RAPGEF1: variants seen among roughly 807,000 people sequenced by gnomAD.
The protein encoded by RAPGEF1 is Rap guanine nucleotide exchange factor 1.
Under a neutral mutation model 143.3 loss-of-function variants are expected in RAPGEF1, and 33 were observed. The observed-to-expected ratio is 0.23, with a 90% CI of 0.17 to 0.31. The LOEUF is 0.31. RAPGEF1 is among the 10% of genes least tolerant of loss of function. The pLI is 1.00. For synonymous variants in RAPGEF1, 629 were observed against 676.5 expected, an observed-to-expected ratio of 0.93 and a Z score of 1.09; for missense variants, 1,199 against 1,645.4, an observed-to-expected ratio of 0.73 and a Z score of 4.69.
At position 131,593,968 on chromosome 9, in the gene RAPGEF1, T is replaced by C. The variant is rs543742087; in HGVS notation, c.2690-1785A>G. Among the ~76,000 whole-genome samples the C allele has an allele frequency of 3.4e-3, 522 of 152,302 alleles. 2 individuals are homozygous for C. Among genetic ancestry groups the C allele is most frequent in the African/African-American group, 0.012 (491 of 41,568 alleles). On this transcript the variant is annotated intron_variant, in intron 17 of 26. Coordinates refer to ENST00000683357, the MANE Select transcript of RAPGEF1 (RefSeq NM_001377935.1). ...GGACTCGCTGGTGAGCACTGGGCCA[T>C]GCCTTGAACATATGCCACATCCTTC...
At chr9:131,673,248 G>T (rs1831696239) in intron 1 of RAPGEF1, among the ~76,000 whole-genome samples, 1 of 152,160 alleles carries the variant, frequency 6.6e-6, no homozygotes, top group East Asian at 1.9e-4. Flanking sequence ...AAATCTTTTA[G>T]TCTCTCTCAT....
At chr9:131,729,933 G>A (rs184414186) in intron 1 of RAPGEF1, among the ~76,000 whole-genome samples, 6 of 152,146 alleles carry the variant, frequency 3.9e-5, no homozygotes, top group South Asian at 4.2e-4. Context: ...AGTGGCTCAC[G>A]CCTGTAATCC....
intron 12 of RAPGEF1, among the ~76,000 whole-genome samples, chr9:131,615,097 G>C (rs959231815): frequency 6.6e-6 from 1 of 152,036 alleles, no homozygotes; most frequent in Non-Finnish European, 1.5e-5. Context: ...TTTTGAGACG[G>C]AGTCTTGCTC....
At chr9:131,669,877 C>G (rs2130751989) in intron 1 of RAPGEF1, among the ~76,000 whole-genome samples, 2 of 152,310 alleles carry the variant, frequency 1.3e-5, no homozygotes, top group East Asian at 3.9e-4. Context: ...TGTATTGGCC[C>G]CCACTATGTA....
At chr9:131,605,285 T>A in intron 12 of RAPGEF1, 97 bp from the exon 13 acceptor site, 1 of 1,092,656 alleles carries the variant, frequency 9.2e-7, no homozygotes, top group South Asian at 1.6e-5. Context: ...GACAGGCCGT[T>A]CACAATAACT....
In RAPGEF1 at chr9:131,626,223, T is replaced by C. The variant is rs1276058048; in HGVS notation, c.1401A>G (p.Thr467=). The C allele has an allele frequency of 6.2e-7, 1 of 1,613,842 alleles. No individual in the cohort carries two copies. The highest frequency in any genetic ancestry group is 1.7e-5 in the Admixed American group (1 of 60,014). ...TCTCGGGGAGAGCAGGTGGCGTATCTGTCTGCTGCCCTGGGGCCAGAGGTC... is the reference window on the plus strand; with the variant it reads ...TCTCGGGGAGAGCAGGTGGCGTATCCGTCTGCTGCCCTGGGGCCAGAGGTC... ...PDGPLAPGQQ[T]DTPPALPEKK... The change falls in exon 10 of 27, where the codon ACA becomes ACG. Residue 467 remains threonine, a synonymous_variant. Coordinates refer to ENST00000683357, the MANE Select transcript of RAPGEF1 (RefSeq NM_001377935.1).
At chr9:131,720,140 C>A (rs950136639) in intron 1 of RAPGEF1, among the ~76,000 whole-genome samples, 2 of 152,196 alleles carry the variant, frequency 1.3e-5, no homozygotes, top group African/African-American at 2.4e-5. Flanking sequence ...CCCACCTTGG[C>A]CTCCCAAAGT....
rs561556537 is a variant in RAPGEF1, at chr9:131,614,501, G to A, written c.2061+4550C>T. Among the ~76,000 whole-genome samples the A allele has an allele frequency of 3.3e-5, 5 of 152,334 alleles. No homozygotes were observed. The South Asian group carries it at 8.3e-4, about 25-fold the overall frequency. On this transcript the variant is annotated intron_variant, in intron 12 of 26. Transcript: ENST00000683357. ...AGGGTTTCTGTGATGGCTCATCCTT[G>A]GGGATGGTTTGTGGCCAGGAGGTTG...
intron 1 of RAPGEF1, among the ~76,000 whole-genome samples, chr9:131,738,993 C>A (rs919563802): frequency 3.3e-5 from 5 of 152,204 alleles, no homozygotes; most frequent in African/African-American, 1.2e-4. Flanking sequence ...GCCCACTTCA[C>A]CTTAGACCCA....
chr9:131,680,203 A>C (rs1448732682), intron 1 of RAPGEF1, among the ~76,000 whole-genome samples: 1 of 152,232 alleles, frequency 6.6e-6, no homozygotes, highest in Non-Finnish European at 1.5e-5. Flanking sequence ...TTGGGGTTCA[A>C]TATGCTTAAC....
chr9:131,734,503 C>T (rs914367781), intron 1 of RAPGEF1, among the ~76,000 whole-genome samples: 2 of 152,188 alleles, frequency 1.3e-5, no homozygotes, highest in African/African-American at 4.8e-5. Context: ...TGTTTGCCAA[C>T]AAGGAGGCAC....
At chr9:131,716,286 T>C (rs1326067785) in intron 1 of RAPGEF1, among the ~76,000 whole-genome samples, 6 of 152,234 alleles carry the variant, frequency 3.9e-5, no homozygotes, top group Non-Finnish European at 7.3e-5. Flanking sequence ...AGAAGCTTCA[T>C]GGATGAGGCT....
intron 1 of RAPGEF1, among the ~76,000 whole-genome samples, chr9:131,651,655 T>C (rs1477269540): frequency 1.3e-5 from 2 of 152,190 alleles, no homozygotes; most frequent in Admixed American, 1.3e-4. Flanking sequence ...AATAGAAAAT[T>C]GGACTTCATC....
intron 1 of RAPGEF1, among the ~76,000 whole-genome samples, chr9:131,694,073 C>T (rs147018825): frequency 6.6e-6 from 1 of 152,254 alleles, no homozygotes; most frequent in Non-Finnish European, 1.5e-5. Flanking sequence ...ACCTCTGCCT[C>T]AGGTCTCTGC....
chr9:131,720,492 A>G (rs1836186352), intron 1 of RAPGEF1, among the ~76,000 whole-genome samples: 2 of 152,164 alleles, frequency 1.3e-5, no homozygotes, highest in African/African-American at 4.8e-5. Context: ...GACCTACTGA[A>G]TCAGAAACCA....
chr9:131,681,988 G>A lies in RAPGEF1; in HGVS notation c.62-31039C>T, dbSNP rs968089206. On this transcript the variant is annotated intron_variant, in intron 1 of 26. Transcript: ENST00000683357. ...AATCCCGACTGCCAGGCTGCTCTGC[G>A]ACCTATCAGAGGGAAAGCGCATTTA... Among the ~76,000 whole-genome samples, 5 of 152,104 alleles carry A rather than the reference G, an allele frequency of 3.3e-5. No homozygotes were observed. The South Asian group carries it at 6.2e-4, about 19-fold the overall frequency.
chr9:131,617,784 A>G (rs1454172641), intron 12 of RAPGEF1, among the ~76,000 whole-genome samples: 1 of 152,232 alleles, frequency 6.6e-6, no homozygotes, highest in Non-Finnish European at 1.5e-5. Context: ...ACGCTGAAGC[A>G]TCTTTGGCGG....
intron 1 of RAPGEF1, among the ~76,000 whole-genome samples, chr9:131,733,365 C>G (rs1019365236): frequency 2.7e-5 from 2 of 75,286 alleles, no homozygotes; most frequent in Admixed American, 1.4e-4. Flanking sequence ...GGGGCGGGGG[C>G]GGGGGGGGGG....
At chr9:131,719,445 C>A (rs779149747) in intron 1 of RAPGEF1, among the ~76,000 whole-genome samples, 1 of 151,022 alleles carries the variant, frequency 6.6e-6, no homozygotes, top group Non-Finnish European at 1.5e-5. Context: ...CTTTTTGGGG[C>A]TATTATTAAG....
Sources: gnomAD v4.1 joint callset for allele counts (sites outside exome capture counted in the v4.1 genomes callset) on GRCh38, gnomAD v4.1.1 for gene constraint, MANE v1.5 for transcripts, NCBI Gene and HGNC (gene_info 2026-07-23, HGNC 2026-07-21) for gene names.